The following DAB1 variants were observed in gnomAD, a reference collection of about 807,000 sequenced individuals.
DAB1 encodes the protein disabled homolog 1.
DAB1 carries 15 observed loss-of-function variants against 64.6 expected under a neutral mutation model. That is an observed-to-expected ratio of 0.23 (90% CI 0.16 to 0.36). The LOEUF is 0.36. DAB1 is among the 10% of genes least tolerant of loss of function. The probability of loss-of-function intolerance (pLI) is 1.00; values close to 1 mark genes in which losing one functional copy is unlikely to be tolerated. For synonymous variants in DAB1, 235 were observed against 251.9 expected (o/e 0.93, Z 0.64); for missense variants, 596 against 706.7 (o/e 0.84, Z 1.78).
intron 7 of DAB1, among the ~76,000 whole-genome samples, chr1:57,511,113 C>G (rs1644400206): frequency 6.6e-6 from 1 of 152,182 alleles, no homozygotes; most frequent in Non-Finnish European, 1.5e-5. Context: ...GCAATAGTCC[C>G]TAACTGGTCC....
intron 4 of DAB1, among the ~76,000 whole-genome samples, chr1:58,333,616 G>C (rs923093774): frequency 6.6e-6 from 1 of 152,168 alleles, no homozygotes; most frequent in Non-Finnish European, 1.5e-5. Flanking sequence ...GGATTCAAGA[G>C]AAAAAGATCT....
chr1:58,122,309 A>G (rs913771258), intron 5 of DAB1, among the ~76,000 whole-genome samples: 3 of 152,150 alleles, frequency 2.0e-5, no homozygotes, highest in Middle Eastern at 3.2e-3. Context: ...AGGGATTTGG[A>G]GTTAATAGAT....
intron 1 of DAB1, among the ~76,000 whole-genome samples, chr1:57,301,378 A>G (rs545582): frequency 0.53 from 79,831 of 151,934 alleles, 21,629 homozygotes; most frequent in Admixed American, 0.65. Context: ...CCATGATACC[A>G]TTCCTCATTT....
At chr1:57,014,394 A>G (rs1390410536) in intron 12 of DAB1, among the ~76,000 whole-genome samples, 1 of 152,204 alleles carries the variant, frequency 6.6e-6, no homozygotes, top group African/African-American at 2.4e-5. Flanking sequence ...TTATATTCTA[A>G]TGTTTAAAAC....
At chr1:57,237,955 A>G (rs1198529022) in intron 2 of DAB1, among the ~76,000 whole-genome samples, 1 of 152,104 alleles carries the variant, frequency 6.6e-6, no homozygotes, top group Admixed American at 6.5e-5. Flanking sequence ...ATTGGTGGTG[A>G]ATGGTAGGGG....
At position 57,373,799 on chromosome 1, in the gene DAB1, G is replaced by A. The variant is rs191419385; in HGVS notation, c.-137+50131C>T. On this transcript the variant is annotated intron_variant, in intron 1 of 14. Transcript: ENST00000371236. Reference sequence around the variant, plus strand: ...ATGAACATATTTCAAGAACATAATCGCCGGGTTCTTATAAAATTTGAGTTC... The same window carrying A: ...ATGAACATATTTCAAGAACATAATCACCGGGTTCTTATAAAATTTGAGTTC... 6.2e-4 allele frequency among the ~76,000 whole-genome samples: 95 copies of A among 152,220 alleles called. 1 individual carries two copies. The highest frequency in any genetic ancestry group is 3.4e-3 in the Middle Eastern group (1 of 294).
intron 7 of DAB1, among the ~76,000 whole-genome samples, chr1:57,518,108 T>G (rs142018049): frequency 4.5e-4 from 68 of 152,352 alleles, no homozygotes; most frequent in African/African-American, 1.2e-3. Flanking sequence ...AGAACTAGAT[T>G]GCTTTCTTTC....
At chr1:57,984,260 G>GAAAGA (rs1570163620) in intron 5 of DAB1, among the ~76,000 whole-genome samples, 3 of 134,068 alleles carry the variant, frequency 2.2e-5, no homozygotes. Context: ...AAGAAAGAAA[G>GAAAGA]AAAAAAAATT....
At chr1:57,540,354 TAAATTAGTACAACC>T (rs1466879203) in intron 7 of DAB1, among the ~76,000 whole-genome samples, 4 of 152,156 alleles carry the variant, frequency 2.6e-5, no homozygotes, top group Non-Finnish European at 5.9e-5. Flanking sequence ...GGTGGGAATG[TAAATTAGTACAACC>T]ACTATGGAAA....
chr1:57,503,337 C>G (rs992695498), intron 7 of DAB1, among the ~76,000 whole-genome samples: 1 of 152,208 alleles, frequency 6.6e-6, no homozygotes, highest in African/African-American at 2.4e-5. Flanking sequence ...GTTTCTCAGT[C>G]TCTAGGTCCT....
intron 7 of DAB1, among the ~76,000 whole-genome samples, chr1:57,451,044 G>A (rs576033317): frequency 1.3e-5 from 2 of 152,204 alleles, no homozygotes; most frequent in Middle Eastern, 3.4e-3. Context: ...AGATTTAATC[G>A]CAGGTCATGA....
intron 6 of DAB1, among the ~76,000 whole-genome samples, chr1:57,818,798 G>GTA (rs1037827644): frequency 9.0e-4 from 136 of 150,780 alleles, no homozygotes; most frequent in African/African-American, 3.1e-3. Context: ...TAATGTGTGT[G>GTA]TATATATATA....
chr1:57,620,640 G>T (rs1274214696), intron 7 of DAB1, among the ~76,000 whole-genome samples: 1 of 152,196 alleles, frequency 6.6e-6, no homozygotes, highest in Non-Finnish European at 1.5e-5. Flanking sequence ...ACAGTGCCAG[G>T]CACCCAGACA....
chr1:57,583,634 AG>A (rs1645342554), intron 7 of DAB1, among the ~76,000 whole-genome samples: 1 of 152,142 alleles, frequency 6.6e-6, no homozygotes, highest in African/African-American at 2.4e-5. Context: ...TTGGCAAACC[AG>A]TAGCCCATGG....
chr1:57,301,496 T>G (rs1673652374), intron 1 of DAB1, among the ~76,000 whole-genome samples: 1 of 152,160 alleles, frequency 6.6e-6, no homozygotes, highest in Non-Finnish European at 1.5e-5. Context: ...ACAGAGTGTT[T>G]GAGTAACACG....
At chr1:58,537,343 T>C (rs570991860) in intron 1 of DAB1, among the ~76,000 whole-genome samples, 4 of 152,304 alleles carry the variant, frequency 2.6e-5, no homozygotes, top group South Asian at 2.1e-4. Flanking sequence ...CCAACACAAT[T>C]TGCCAGTGAT....
intron 4 of DAB1, among the ~76,000 whole-genome samples, chr1:57,079,910 T>C (rs1652333000): frequency 6.6e-6 from 1 of 152,098 alleles, no homozygotes; most frequent in African/African-American, 2.4e-5. Flanking sequence ...ACCCCTCAGT[T>C]TGCCATTATG....
intron 7 of DAB1, among the ~76,000 whole-genome samples, chr1:57,621,152 C>A (rs1008730064): frequency 1.3e-5 from 2 of 150,664 alleles, no homozygotes; most frequent in African/African-American, 2.5e-5. Flanking sequence ...TTGGGGGAGA[C>A]AACAGAATTC....
At chr1:58,068,243 C>G (rs758946202) in intron 5 of DAB1, among the ~76,000 whole-genome samples, 9 of 152,202 alleles carry the variant, frequency 5.9e-5, no homozygotes, top group Non-Finnish European at 1.3e-4. Context: ...TGGAAGGTTG[C>G]AGGAGAAACC....
Sources: allele counts gnomAD v4.1 joint callset (sites outside exome capture counted in the v4.1 genomes callset), GRCh38; gene constraint gnomAD v4.1.1; transcripts MANE v1.5; gene names NCBI Gene and HGNC (gene_info 2026-07-23, HGNC 2026-07-21).